CACNA1C: variants seen among roughly 807,000 people sequenced by gnomAD.
The protein encoded by CACNA1C is calcium voltage-gated channel subunit alpha1 C, also known as voltage-dependent L-type calcium channel subunit alpha-1C.
Under a neutral mutation model 229.0 loss-of-function variants are expected in CACNA1C, and 30 were observed. The observed-to-expected ratio is 0.13, with a 90% CI of 0.10 to 0.18. The LOEUF is 0.18. Among genes scored for constraint, CACNA1C ranks in the 10% least tolerant of loss-of-function variants. The pLI, the probability that CACNA1C is intolerant of heterozygous loss-of-function variation, is 1.00. For synonymous variants in CACNA1C, 1,114 were observed against 1,132.5 expected (o/e 0.98, Z 0.33); for missense variants, 1,658 against 2,845.0 (o/e 0.58, Z 9.49).
chr12:2,153,685 AG>A (rs918255651), intron 3 of CACNA1C, among the ~76,000 whole-genome samples: 1 of 152,200 alleles, frequency 6.6e-6, no homozygotes, highest in Non-Finnish European at 1.5e-5. Context: ...TCCGCCCTGC[AG>A]TTTTCCTTTG....
intron 3 of CACNA1C, among the ~76,000 whole-genome samples, chr12:2,258,501 A>T (rs1295304381): frequency 6.6e-6 from 1 of 152,208 alleles, no homozygotes; most frequent in African/African-American, 2.4e-5. Flanking sequence ...AAATTTAATT[A>T]TATCATCGTC....
chr12:2,092,226 C>T (rs2071481289), intron 1 of CACNA1C, among the ~76,000 whole-genome samples: 1 of 152,186 alleles, frequency 6.6e-6, no homozygotes, highest in Admixed American at 6.5e-5. Context: ...TCCCCCAGCC[C>T]CTACATAAAG....
intron 3 of CACNA1C, among the ~76,000 whole-genome samples, chr12:2,259,437 CAAAAAAAG>C (rs2079202028): frequency 6.6e-6 from 1 of 151,854 alleles, no homozygotes; most frequent in Non-Finnish European, 1.5e-5. Context: ...ATGTCTTTAT[CAAAAAAAG>C]AAAAAAAGAA....
intron 29 of CACNA1C, among the ~76,000 whole-genome samples, chr12:2,623,051 C>G (rs2084225311): frequency 6.6e-6 from 1 of 152,200 alleles, no homozygotes; most frequent in Non-Finnish European, 1.5e-5. Flanking sequence ...AAATCTTTTG[C>G]AGGAGCCCAG....
intron 1 of CACNA1C, among the ~76,000 whole-genome samples, chr12:1,981,561 T>C (rs1389054417): frequency 6.6e-6 from 1 of 152,212 alleles, no homozygotes; most frequent in East Asian, 1.9e-4. Flanking sequence ...TAGCATGTTA[T>C]TTTGAACATA....
In CACNA1C at chr12:1,971,424, G is replaced by GC. The variant is rs1239018218; in HGVS notation, c.139+224dup. Reference sequence around the variant, plus strand: ...CAATTGAAAAAAAGTGATGTTTGAGGCAACAGGCAATGCAATACTGCCTTT... The same window carrying GC: ...CAATTGAAAAAAAGTGATGTTTGAGGCCAACAGGCAATGCAATACTGCCTTT... On this transcript the variant is annotated intron_variant, in intron 1 of 46. Coordinates refer to the CACNA1C transcript ENST00000682462. This position sits in a 1 kb window ranked among gnomAD's most constrained non-coding sequence, Gnocchi z 4.2. Among the ~76,000 whole-genome samples the GC allele has an allele frequency of 2.0e-5, 3 of 152,226 alleles. No homozygotes were observed. The highest frequency in any genetic ancestry group is 7.2e-5 in the African/African-American group (3 of 41,534).
chr12:2,191,141 C>G (rs2097198079), intron 3 of CACNA1C, among the ~76,000 whole-genome samples: 1 of 152,150 alleles, frequency 6.6e-6, no homozygotes, highest in South Asian at 2.1e-4. Flanking sequence ...GAGGCTCTGT[C>G]AGAGGGGATT....
At chr12:2,530,313 G>A (rs1005673457) in intron 9 of CACNA1C, among the ~76,000 whole-genome samples, 3 of 152,208 alleles carry the variant, frequency 2.0e-5, no homozygotes, top group Non-Finnish European at 2.9e-5. Flanking sequence ...GATGACATTT[G>A]TCATTAGACT....
Position 2,215,775 on chromosome 12 carries a change from G to A in CACNA1C, c.477+95345G>A, listed in dbSNP as rs191211340. Reference sequence around the variant, plus strand: ...TGTTTGGAGGGCTCTTTGCAAAGAGGCAGAAGAGCCCCAAGGTGAGTTGAA... The same window carrying A: ...TGTTTGGAGGGCTCTTTGCAAAGAGACAGAAGAGCCCCAAGGTGAGTTGAA... On this transcript the variant is annotated intron_variant, in intron 3 of 46. Transcript: ENST00000399655. This position sits in a 1 kb window ranked among gnomAD's most constrained non-coding sequence, Gnocchi z 5.0. 2.0e-5 allele frequency among the ~76,000 whole-genome samples: 3 copies of A among 152,314 alleles called. No homozygotes were observed. Among genetic ancestry groups the A allele is most frequent in the African/African-American group, 7.2e-5 (3 of 41,562 alleles).
chr12:1,972,681 G>A (rs2032828101), intron 1 of CACNA1C, among the ~76,000 whole-genome samples: 1 of 152,134 alleles, frequency 6.6e-6, no homozygotes, highest in African/African-American at 2.4e-5. Flanking sequence ...TGAAATACAT[G>A]AAGCATTCAA....
chr12:2,020,652 G>T (rs933791556), intron 1 of CACNA1C: 1 of 152,204 alleles, frequency 6.6e-6, no homozygotes, highest in Non-Finnish European at 1.5e-5. Flanking sequence ...GGAAAGAAGG[G>T]AAGACAGAAG....
chr12:2,191,909 T>A (rs1171096100), intron 3 of CACNA1C, among the ~76,000 whole-genome samples: 2 of 118,416 alleles, frequency 1.7e-5, no homozygotes, highest in African/African-American at 5.7e-5. Flanking sequence ...CATGCACACA[T>A]GGTCTCACAC....
At chr12:2,481,317 T>C (rs929039927) in intron 5 of CACNA1C, among the ~76,000 whole-genome samples, 1 of 152,210 alleles carries the variant, frequency 6.6e-6, no homozygotes, top group Non-Finnish European at 1.5e-5. Context: ...AAAACCACCG[T>C]AGAGAAAGGT....
At chr12:2,270,149 G>A (rs2084223851) in intron 3 of CACNA1C, among the ~76,000 whole-genome samples, 1 of 152,200 alleles carries the variant, frequency 6.6e-6, no homozygotes. Flanking sequence ...GGGAGCTGGA[G>A]CTCATTTGTA....
chr12:2,585,989 TAG>T lies in CACNA1C; in HGVS notation c.2530+86_2530+87del. 2 of 731,590 alleles carry T rather than the reference TAG, an allele frequency of 2.7e-6. No individual in the cohort carries two copies. Among genetic ancestry groups the T allele is most frequent in the South Asian group, 2.1e-5 (1 of 47,936 alleles). 45.3% of individuals were successfully genotyped at this position (731,590 alleles called of 1,614,324 possible). A position where few individuals can be genotyped will look rare whatever the true frequency, so the allele number is the denominator to read the frequency against. On this transcript the variant is annotated intron_variant, in intron 18 of 46. Transcript: ENST00000399655. This position sits in a 1 kb window ranked among gnomAD's most constrained non-coding sequence, Gnocchi z 4.1. ...AAGCCACGTGGGAGTGGCCATATAT[TAG>T]GGACCATGGTTCCAGTGTCCCTCTG... is the stretch of plus-strand genomic sequence containing the variant.
chr12:2,646,899 G>T lies in CACNA1C; in HGVS notation c.3913-1576G>T, dbSNP rs1359791065. Among the ~76,000 whole-genome samples, 1 of 152,038 alleles carries T rather than the reference G, an allele frequency of 6.6e-6. No homozygotes were observed. The highest frequency in any genetic ancestry group is 1.5e-5 in the Non-Finnish European group (1 of 68,018). ...ACCCTGCAATCACAAGGACTGACCTGGCAGGTGGAATCTTCATGAAGCAGA... is the reference window on the plus strand; with the variant it reads ...ACCCTGCAATCACAAGGACTGACCTTGCAGGTGGAATCTTCATGAAGCAGA... On this transcript the variant is annotated intron_variant, in intron 30 of 46. Transcript: ENST00000399655. This position sits in a 1 kb window ranked among gnomAD's most constrained non-coding sequence, Gnocchi z 4.6.
chr12:2,093,106 T>C (rs770158091), intron 1 of CACNA1C, among the ~76,000 whole-genome samples: 10 of 152,220 alleles, frequency 6.6e-5, no homozygotes, highest in Non-Finnish European at 1.2e-4. Context: ...CAATCTTGTG[T>C]TGGCCACTTT....
intron 1 of CACNA1C, among the ~76,000 whole-genome samples, chr12:2,057,848 G>A (rs1283721046): frequency 3.3e-5 from 5 of 152,166 alleles, no homozygotes; most frequent in Non-Finnish European, 5.9e-5. Context: ...TGGAGCATGG[G>A]GTGACCTGAA....
intron 1 of CACNA1C, among the ~76,000 whole-genome samples, chr12:2,025,938 G>A (rs976021393): frequency 1.3e-4 from 17 of 133,830 alleles, no homozygotes; most frequent in African/African-American, 4.4e-4. Flanking sequence ...GGTAACCAAG[G>A]GGGGAAGACA....
Sources: allele counts gnomAD v4.1 joint callset (sites outside exome capture counted in the v4.1 genomes callset), GRCh38; gene constraint gnomAD v4.1.1; non-coding constraint Gnocchi (gnomAD v3.1); transcripts MANE v1.5; gene names NCBI Gene and HGNC (gene_info 2026-07-23, HGNC 2026-07-21).